Variants in MIPEP observed in about 807,000 individuals in gnomAD.
The protein encoded by MIPEP is mitochondrial intermediate peptidase.
A neutral mutation model predicts 90.3 loss-of-function variants in MIPEP; 79 were observed. The observed-to-expected ratio is 0.87, with a 90% CI of 0.73 to 1.05. MIPEP has a LOEUF of 1.05. Ranked by LOEUF, MIPEP falls within the 50% of genes least tolerant of loss-of-function variation. The pLI is 0.00. For synonymous variants in MIPEP, 334 were observed against 315.8 expected, an observed-to-expected ratio of 1.06 and a Z score of -0.61; for missense variants, 940 against 905.6, an observed-to-expected ratio of 1.04 and a Z score of -0.49.
intron 4 of MIPEP, among the ~76,000 whole-genome samples, chr13:23,878,254 T>C (rs1262198988): frequency 6.6e-6 from 1 of 152,240 alleles, no homozygotes; most frequent in Non-Finnish European, 1.5e-5. Context: ...ACTACTGTGA[T>C]GACACAGCTA....
chr13:23,762,880 C>A (rs1326093820), intron 16 of MIPEP, among the ~76,000 whole-genome samples: 1 of 152,144 alleles, frequency 6.6e-6, no homozygotes, highest in Non-Finnish European at 1.5e-5. Context: ...GATGCCATGC[C>A]CTTGGTAGAG....
chr13:23,745,928 TCAAAACAAAA>T (rs750043203), intron 18 of MIPEP, among the ~76,000 whole-genome samples: 1 of 150,696 alleles, frequency 6.6e-6, no homozygotes. Context: ...AGACTATGTC[TCAAAACAAAA>T]CAAAACAAAA....
intron 18 of MIPEP, among the ~76,000 whole-genome samples, chr13:23,740,123 C>A (rs1240405218): frequency 3.9e-5 from 6 of 152,180 alleles, no homozygotes; most frequent in Non-Finnish European, 7.3e-5. Flanking sequence ...AACCACCATA[C>A]TACACACAGG....
intron 3 of MIPEP, among the ~76,000 whole-genome samples, chr13:23,881,273 T>C (rs1276193029): frequency 5.9e-5 from 9 of 152,172 alleles, no homozygotes; most frequent in African/African-American, 2.2e-4. Context: ...AACAGCAATT[T>C]AATCAAGCGA....
At chr13:23,747,604 TA>T (rs1336020086) in intron 18 of MIPEP, 6 of 486,208 alleles carry the variant, frequency 1.2e-5, no homozygotes, top group Non-Finnish European at 2.5e-5. Flanking sequence ...AATGGCTATA[TA>T]TTTTTTTTCT....
chr13:23,832,853 T>C (rs376580895), intron 14 of MIPEP, among the ~76,000 whole-genome samples: 22 of 152,352 alleles, frequency 1.4e-4, no homozygotes, highest in African/African-American at 5.1e-4. Flanking sequence ...GGCTTTGATG[T>C]TGTAGCTTGT....
intron 5 of MIPEP, among the ~76,000 whole-genome samples, chr13:23,870,977 A>G (rs79636664): frequency 0.015 from 2,224 of 152,296 alleles, 58 homozygotes; most frequent in African/African-American, 0.05. Flanking sequence ...GTAAGGCTTC[A>G]GTGAGCTACG....
chr13:23,863,481 T>C (rs925699487), intron 8 of MIPEP, among the ~76,000 whole-genome samples: 5 of 152,210 alleles, frequency 3.3e-5, no homozygotes, highest in African/African-American at 9.7e-5. Flanking sequence ...AAAAACACTG[T>C]ATAAAATTAT....
intron 18 of MIPEP, among the ~76,000 whole-genome samples, chr13:23,751,323 T>TTA (rs1466580179): frequency 1.3e-5 from 2 of 152,226 alleles, no homozygotes; most frequent in Non-Finnish European, 2.9e-5. Flanking sequence ...ACGTAAGGTA[T>TTA]TATATTTTAA....
At chr13:23,863,130 TAGCCACAAC>T (rs1457011252) in intron 8 of MIPEP, among the ~76,000 whole-genome samples, 1 of 152,218 alleles carries the variant, frequency 6.6e-6, no homozygotes, top group East Asian at 1.9e-4. Flanking sequence ...TGTGTTGGTG[TAGCCACAAC>T]AGGCAAACAA....
chr13:23,749,640 G>C (rs73453376), intron 18 of MIPEP, among the ~76,000 whole-genome samples: 1 of 152,032 alleles, frequency 6.6e-6, no homozygotes, highest in African/African-American at 2.4e-5. Flanking sequence ...CTGAATTCTC[G>C]CAGTGGCCGA....
intron 10 of MIPEP, among the ~76,000 whole-genome samples, chr13:23,850,579 C>G (rs1291349877): frequency 6.6e-6 from 1 of 152,146 alleles, no homozygotes; most frequent in Non-Finnish European, 1.5e-5. Flanking sequence ...GAAATCAAAG[C>G]TAAAGAAAGA....
intron 16 of MIPEP, among the ~76,000 whole-genome samples, chr13:23,793,332 G>GA (rs1952919510): frequency 6.6e-6 from 1 of 152,106 alleles, no homozygotes; most frequent in African/African-American, 2.4e-5. Context: ...ACACAAAAGA[G>GA]GATTTCTGTA....
chr13:23,874,299 G>C (rs1392171360), intron 5 of MIPEP, among the ~76,000 whole-genome samples: 1 of 152,168 alleles, frequency 6.6e-6, no homozygotes, highest in African/African-American at 2.4e-5. Flanking sequence ...AGTGGCCAGT[G>C]TTAGAAATTT....
At chr13:23,745,613 G>T (rs1173828460) in intron 18 of MIPEP, among the ~76,000 whole-genome samples, 1 of 152,104 alleles carries the variant, frequency 6.6e-6, no homozygotes, top group Non-Finnish European at 1.5e-5. Flanking sequence ...ATGCCTGAGG[G>T]TGTCACGCAG....
intron 14 of MIPEP, among the ~76,000 whole-genome samples, chr13:23,833,512 G>A (rs546542904): frequency 6.6e-6 from 1 of 152,238 alleles, no homozygotes; most frequent in South Asian, 2.1e-4. Flanking sequence ...TAGATTTTGG[G>A]TTTACTCTTG....
chr13:23,848,325 C>G (rs951128283), intron 10 of MIPEP, among the ~76,000 whole-genome samples: 5 of 152,194 alleles, frequency 3.3e-5, no homozygotes, highest in African/African-American at 1.2e-4. Context: ...CCTTCTTCTA[C>G]TCCTATTCCA....
chr13:23,882,221 C>G (rs543074462), intron 2 of MIPEP, among the ~76,000 whole-genome samples: 2 of 152,254 alleles, frequency 1.3e-5, no homozygotes, highest in South Asian at 4.1e-4. Context: ...AGGTGCCCAC[C>G]ACCACGCCCT....
intron 14 of MIPEP, among the ~76,000 whole-genome samples, chr13:23,818,997 G>A (rs1413862542): frequency 1.3e-5 from 2 of 152,182 alleles, no homozygotes; most frequent in Non-Finnish European, 2.9e-5. Flanking sequence ...TGTGAAGTTT[G>A]TAAAGTATTT....
Sources: allele counts gnomAD v4.1 joint callset (sites outside exome capture counted in the v4.1 genomes callset), GRCh38; gene constraint gnomAD v4.1.1; transcripts MANE v1.5; gene names NCBI Gene and HGNC (gene_info 2026-07-23, HGNC 2026-07-21).